PLCE1: variants seen among roughly 807,000 people sequenced by gnomAD.
The protein encoded by PLCE1 is phospholipase C epsilon 1, also known as 1-phosphatidylinositol 4,5-bisphosphate phosphodiesterase epsilon-1.
A neutral mutation model predicts 242.8 loss-of-function variants in PLCE1; 119 were observed. The ratio of observed to expected loss-of-function variants is 0.49; its 90% CI spans 0.42 to 0.57. PLCE1 has a LOEUF of 0.57. PLCE1 is among the 20% of genes least tolerant of loss of function. The pLI is 0.00. For synonymous variants in PLCE1, 945 were observed against 1,017.4 expected (o/e 0.93, Z 1.35); for missense variants, 2,441 against 2,788.8 (o/e 0.88, Z 2.81).
intron 3 of PLCE1, among the ~76,000 whole-genome samples, chr10:94,164,433 G>A (rs1373645242): frequency 1.3e-5 from 2 of 152,126 alleles, no homozygotes; most frequent in Non-Finnish European, 2.9e-5. Context: ...CTTTCTTCCA[G>A]TTGATCAAAT....
At chr10:94,065,563 T>C (rs1441480615) in intron 2 of PLCE1, among the ~76,000 whole-genome samples, 10 of 152,226 alleles carry the variant, frequency 6.6e-5, no homozygotes, top group Non-Finnish European at 1.3e-4. Context: ...ATGAGGCTTA[T>C]TGCATCATAT....
At chr10:94,325,280 T>A (rs536641327) in intron 32 of PLCE1, 176 bp downstream of exon 32, 1 of 595,422 alleles carries the variant, frequency 1.7e-6, no homozygotes, top group African/African-American at 1.9e-5. Flanking sequence ...TAACATGATA[T>A]GCTATTGAAC....
At chr10:94,029,593 T>C (rs2061516423) in intron 1 of PLCE1, among the ~76,000 whole-genome samples, 1 of 152,100 alleles carries the variant, frequency 6.6e-6, no homozygotes, top group African/African-American at 2.4e-5. Flanking sequence ...GCAAAGAATA[T>C]GATTTCTAGG....
chr10:94,251,524 T>C (rs767469725), intron 8 of PLCE1, among the ~76,000 whole-genome samples: 16 of 152,226 alleles, frequency 1.1e-4, no homozygotes, highest in Non-Finnish European at 2.4e-4. Context: ...GTATGAAATA[T>C]CAATATCATC....
Position 94,262,653 on chromosome 10 carries a change from G to A in PLCE1, c.3974G>A (p.Gly1325Asp), listed in dbSNP as rs867372355. The A allele has an allele frequency of 6.2e-7, 1 of 1,613,994 alleles. No individual in the cohort carries two copies. Among genetic ancestry groups the A allele is most frequent in the Non-Finnish European group, 8.5e-7 (1 of 1,179,920 alleles). ...ACATCTCTGGGCATTTTTGGGGTGG[G>A]CATACTTCAGCTCAACGATTTCCTC... ...ESTSLGIFGV[G>D]ILQLNDFLVN... The change falls in exon 14 of 33, where the codon GGC becomes GAC. Residue 1325 changes from glycine to aspartate, a missense_variant. Gly to Asp is a moderately conservative substitution (Grantham distance 94). Around this residue, in one of 5 missense-constraint regions of PLCE1, gnomAD observed 1,004 missense variants for 1,322.7 expected, o/e 0.76. Coordinates refer to ENST00000371380, the MANE Select transcript of PLCE1 (RefSeq NM_016341.4).
At chr10:94,085,673 T>C (rs2044795331) in intron 2 of PLCE1, among the ~76,000 whole-genome samples, 1 of 152,208 alleles carries the variant, frequency 6.6e-6, no homozygotes, top group South Asian at 2.1e-4. Context: ...AGTCAGCCCA[T>C]CTGACCATGA....
In PLCE1 at chr10:94,136,593, C is replaced by T. The variant is rs979381897; in HGVS notation, c.1492+4134C>T. Among the ~76,000 whole-genome samples the T allele has an allele frequency of 2.0e-5, 3 of 152,122 alleles. No homozygotes were observed. In the East Asian group the frequency reaches 5.8e-4, roughly 29 times the overall value. ...AGAAGGAAATGTCCAACAAGTTGAT[C>T]GTTATTCACAAGTCAAGAACTGGTA... is the stretch of plus-strand genomic sequence containing the variant. On this transcript the variant is annotated intron_variant, in intron 3 of 32. Transcript: ENST00000371380.
At chr10:94,100,627 G>A (rs2045496107) in intron 2 of PLCE1, 1 of 152,196 alleles carries the variant, frequency 6.6e-6, no homozygotes, top group African/African-American at 2.4e-5. Context: ...AAGCAGGGAA[G>A]GTGATGCAGA....
chr10:94,248,294 T>G (rs868680047), intron 8 of PLCE1, among the ~76,000 whole-genome samples: 1 of 152,186 alleles, frequency 6.6e-6, no homozygotes, highest in African/African-American at 2.4e-5. Flanking sequence ...TTTAGTTAAC[T>G]CGTCTAAAAT....
intron 1 of PLCE1, among the ~76,000 whole-genome samples, chr10:93,999,767 T>G (rs1229010051): frequency 1.3e-5 from 2 of 152,160 alleles, no homozygotes; most frequent in Non-Finnish European, 2.9e-5. Context: ...CTCTGCCTGT[T>G]TATTGGATTT....
chr10:94,031,327 T>G lies in PLCE1; in HGVS notation c.281T>G (p.Ile94Ser), dbSNP rs750310703. 6.2e-7 allele frequency: 1 copy of G among 1,613,764 alleles called. No homozygotes were observed. Among genetic ancestry groups the G allele is most frequent in the East Asian group, 2.2e-5 (1 of 44,860 alleles). Reference sequence around the variant, plus strand: ...AGTAATGAAAAATGTTGGGAGAAAATCATGCCAGATTCTGCGAAAAACCTT... The same window carrying G: ...AGTAATGAAAAATGTTGGGAGAAAAGCATGCCAGATTCTGCGAAAAACCTT... Reference protein sequence around the residue: ...ENSNEKCWEKIMPDSAKNLNI... With the variant: ...ENSNEKCWEKSMPDSAKNLNI... The change falls in exon 2 of 33, where the codon ATC becomes AGC. Residue 94 changes from isoleucine to serine, a missense_variant. This residue lies in a region of PLCE1 where 393 missense variants were observed against 378.5 expected (regional missense o/e 1.04). Transcript: ENST00000371380.
At chr10:94,002,180 A>T (rs2060944226) in intron 1 of PLCE1, among the ~76,000 whole-genome samples, 1 of 152,242 alleles carries the variant, frequency 6.6e-6, no homozygotes, top group Admixed American at 6.5e-5. Flanking sequence ...TATGCATAGA[A>T]GCTATATAAG....
intron 2 of PLCE1, among the ~76,000 whole-genome samples, chr10:94,038,436 C>CATT (rs1345662273): frequency 6.6e-6 from 1 of 152,156 alleles, no homozygotes; most frequent in Non-Finnish European, 1.5e-5. Context: ...CAGAGCTTCA[C>CATT]ATTAAATATA....
chr10:94,251,285 G>A (rs2050865244), intron 8 of PLCE1, among the ~76,000 whole-genome samples: 1 of 152,186 alleles, frequency 6.6e-6, no homozygotes, highest in African/African-American at 2.4e-5. Context: ...GCAGGATGCA[G>A]GAAGTGGGAA....
chr10:94,140,377 CAA>C (rs34755242), intron 3 of PLCE1, among the ~76,000 whole-genome samples: 125 of 138,894 alleles, frequency 9.0e-4, no homozygotes, highest in Middle Eastern at 3.7e-3. Flanking sequence ...ACTGAAAATA[CAA>C]AAAAAAAAAA....
At chr10:94,196,561 G>T (rs1357492872) in intron 4 of PLCE1, among the ~76,000 whole-genome samples, 1 of 152,146 alleles carries the variant, frequency 6.6e-6, no homozygotes, top group Non-Finnish European at 1.5e-5. Context: ...CAAGTCAGGA[G>T]GATCACTTGC....
At chr10:94,319,346 C>T (rs2053694610) in intron 29 of PLCE1, among the ~76,000 whole-genome samples, 1 of 152,162 alleles carries the variant, frequency 6.6e-6, no homozygotes, top group Non-Finnish European at 1.5e-5. Context: ...TCAGTAATTA[C>T]TGAATGTAAG....
At chr10:94,266,887 T>G (rs185745085) in intron 16 of PLCE1, among the ~76,000 whole-genome samples, 16 of 152,224 alleles carry the variant, frequency 1.1e-4, no homozygotes, top group Non-Finnish European at 2.9e-5. Context: ...TTATTATGAA[T>G]GAAGATGTGT....
At chr10:94,216,785 C>G (rs1488614996) in intron 4 of PLCE1, among the ~76,000 whole-genome samples, 1 of 151,986 alleles carries the variant, frequency 6.6e-6, no homozygotes, top group Non-Finnish European at 1.5e-5. Context: ...TCTGTGACTT[C>G]TCAGAATGCT....
Sources: allele counts gnomAD v4.1 joint callset (sites outside exome capture counted in the v4.1 genomes callset), GRCh38; gene constraint gnomAD v4.1.1; regional missense constraint gnomAD v4.1.1; transcripts MANE v1.5; gene names NCBI Gene and HGNC (gene_info 2026-07-23, HGNC 2026-07-21).